SSBP2: variants seen among roughly 807,000 people sequenced by gnomAD.
SSBP2 encodes the protein single-stranded DNA-binding protein 2.
Under a neutral mutation model 61.8 loss-of-function variants are expected in SSBP2, and 17 were observed. The observed-to-expected ratio is 0.28, with a 90% CI of 0.19 to 0.41. The LOEUF (loss-of-function observed/expected upper bound fraction) is 0.41, where lower values mean the gene tolerates loss of function less well. SSBP2 is among the 10% of genes least tolerant of loss of function. The pLI is 1.00. For missense variants in SSBP2, 310 were observed against 458.7 expected (o/e 0.68, Z 2.96); for synonymous variants, 139 against 141.3 (o/e 0.98, Z 0.12).
chr5:81,716,392 A>G (rs1327516605), intron 1 of SSBP2, among the ~76,000 whole-genome samples: 2 of 152,224 alleles, frequency 1.3e-5, no homozygotes, highest in Non-Finnish European at 2.9e-5. Flanking sequence ...AAATTAAATC[A>G]AAATTTAAAA....
At chr5:81,494,388 C>T (rs370760131) in intron 5 of SSBP2, among the ~76,000 whole-genome samples, 8 of 152,116 alleles carry the variant, frequency 5.3e-5, no homozygotes, top group African/African-American at 1.2e-4. Flanking sequence ...GTGTATGCTA[C>T]GGACTGAATG....
intron 1 of SSBP2, among the ~76,000 whole-genome samples, chr5:81,700,804 T>C (rs975753335): frequency 6.6e-6 from 1 of 152,248 alleles, no homozygotes; most frequent in Non-Finnish European, 1.5e-5. Context: ...AAAATTTTCT[T>C]CTGCAACTTC....
At chr5:81,747,873 A>T (rs538764629) in intron 1 of SSBP2, among the ~76,000 whole-genome samples, 1 of 152,292 alleles carries the variant, frequency 6.6e-6, no homozygotes, top group South Asian at 2.1e-4. Context: ...ACAAGATCAG[A>T]ATTAAAATTT....
At chr5:81,652,441 TA>T (rs1218189408) in intron 1 of SSBP2, among the ~76,000 whole-genome samples, 2 of 152,230 alleles carry the variant, frequency 1.3e-5, no homozygotes, top group Admixed American at 6.5e-5. Context: ...GAACTGAGAA[TA>T]ACAGGGGGTA....
At chr5:81,521,369 A>C (rs1334519607) in intron 4 of SSBP2, among the ~76,000 whole-genome samples, 1 of 152,044 alleles carries the variant, frequency 6.6e-6, no homozygotes, top group African/African-American at 2.4e-5. Flanking sequence ...AGCATCCAAA[A>C]TAATGACTTC....
chr5:81,738,234 TGGTG>T, intron 1 of SSBP2, among the ~76,000 whole-genome samples: 1 of 152,224 alleles, frequency 6.6e-6, no homozygotes, highest in African/African-American at 2.4e-5. Context: ...TTGGTTACAC[TGGTG>T]TGTTCAGTTT....
intron 1 of SSBP2, among the ~76,000 whole-genome samples, chr5:81,708,876 G>A (rs1046719779): frequency 2.0e-5 from 3 of 152,102 alleles, no homozygotes; most frequent in South Asian, 4.1e-4. Context: ...GACACAGGGA[G>A]AGGTGGGAGT....
chr5:81,466,387 T>C (rs1354192516), intron 9 of SSBP2, among the ~76,000 whole-genome samples: 2 of 152,074 alleles, frequency 1.3e-5, no homozygotes, highest in East Asian at 3.8e-4. Context: ...TAAATGTGTC[T>C]GGAATTTTTC....
At chr5:81,461,361 G>A (rs879403597) in intron 9 of SSBP2, among the ~76,000 whole-genome samples, 2 of 151,924 alleles carry the variant, frequency 1.3e-5, no homozygotes, top group Non-Finnish European at 2.9e-5. Context: ...TTGTTATAAA[G>A]ATGGTAACTG....
At chr5:81,491,089 C>G (rs1028090278) in intron 5 of SSBP2, among the ~76,000 whole-genome samples, 1 of 152,094 alleles carries the variant, frequency 6.6e-6, no homozygotes, top group Admixed American at 6.6e-5. Context: ...TATAAATCAC[C>G]TAATTTCACC....
chr5:81,589,055 C>G (rs998251126), intron 4 of SSBP2, among the ~76,000 whole-genome samples: 2 of 152,066 alleles, frequency 1.3e-5, no homozygotes, highest in Non-Finnish European at 2.9e-5. Flanking sequence ...AAGAGTCAGA[C>G]CCTATCTCAA....
rs1320356033 is a variant in SSBP2 at position 81,636,585 on chromosome 5, G to C, written c.169C>G (p.Pro57Ala). The change falls in exon 3 of 17, where the codon CCA becomes GCA. Residue 57 changes from proline (P) to alanine (A), a missense_variant. Physicochemically the swap from Pro to Ala is conservative, Grantham distance 27 (BLOSUM62 -1). Around this residue, in one of 4 missense-constraint regions of SSBP2, gnomAD observed 21 missense variants for 59.1 expected, o/e 0.36. Coordinates refer to ENST00000320672, the MANE Select transcript of SSBP2 (RefSeq NM_012446.5). The stretch of plus-strand genomic sequence containing the variant: ...CACCAAGAATGTAAGAATCCTGGTG[G>C]TTCCCCCAATGTGATGTTTTTTTCC... 1.2e-6 allele frequency: 2 copies of C among 1,610,460 alleles called. No homozygotes were observed. Among genetic ancestry groups the C allele is most frequent in the South Asian group, 2.2e-5 (2 of 90,500 alleles).
intron 1 of SSBP2, among the ~76,000 whole-genome samples, chr5:81,749,419 A>C (rs1757568062): frequency 6.6e-6 from 1 of 152,206 alleles, no homozygotes; most frequent in Non-Finnish European, 1.5e-5. Context: ...TCCCTAGGGC[A>C]CACAAAACTT....
At chr5:81,577,909 A>G (rs996955985) in intron 4 of SSBP2, among the ~76,000 whole-genome samples, 3 of 152,062 alleles carry the variant, frequency 2.0e-5, no homozygotes, top group African/African-American at 7.2e-5. Context: ...CTTATGATAT[A>G]CCAGATTGTA....
At chr5:81,569,114 T>C (rs947586167) in intron 4 of SSBP2, among the ~76,000 whole-genome samples, 4 of 152,328 alleles carry the variant, frequency 2.6e-5, no homozygotes, top group South Asian at 4.1e-4. Context: ...GCAGGAAGTA[T>C]CTTTAATCGT....
chr5:81,662,266 G>T (rs1380249723), intron 1 of SSBP2, among the ~76,000 whole-genome samples: 3 of 152,120 alleles, frequency 2.0e-5, no homozygotes, highest in African/African-American at 4.8e-5. Context: ...AGGAGTTCAA[G>T]ACCAGCCTGA....
intron 9 of SSBP2, among the ~76,000 whole-genome samples, chr5:81,465,782 C>T (rs1022164190): frequency 1.3e-5 from 2 of 151,990 alleles, no homozygotes; most frequent in Non-Finnish European, 2.9e-5. Flanking sequence ...TTGAAGCAAC[C>T]ATTAATACAA....
At position 81,535,109 on chromosome 5, in the gene SSBP2, T is replaced by C. The variant is rs185653374; in HGVS notation, c.283-21392A>G. ...TACAAGGTTGATATACAAAAGCCAA[T>C]TGATTTTCTATAAGCCACCAAAGAA... On this transcript the variant is annotated intron_variant, in intron 4 of 16. Coordinates refer to ENST00000320672, the MANE Select transcript of SSBP2 (RefSeq NM_012446.5). Among the ~76,000 whole-genome samples, 14 of 152,102 alleles carry C rather than the reference T, an allele frequency of 9.2e-5. No individual in the cohort carries two copies. The East Asian group carries it at 1.5e-3, about 17-fold the overall frequency.
intron 4 of SSBP2, among the ~76,000 whole-genome samples, chr5:81,567,891 C>A (rs921300881): frequency 6.6e-6 from 1 of 152,154 alleles, no homozygotes; most frequent in African/African-American, 2.4e-5. Context: ...TGGCCAATTT[C>A]TCACATTTGG....
Sources: gnomAD v4.1 joint callset for allele counts (sites outside exome capture counted in the v4.1 genomes callset) on GRCh38, gnomAD v4.1.1 for gene constraint, gnomAD v4.1.1 regional missense constraint, MANE v1.5 for transcripts, NCBI Gene and HGNC (gene_info 2026-07-23, HGNC 2026-07-21) for gene names.